ITGAM: variants seen among roughly 807,000 people sequenced by gnomAD.
The protein encoded by ITGAM is integrin alpha-M.
ITGAM carries 79 observed loss-of-function variants against 137.5 expected under a neutral mutation model. The observed-to-expected ratio is 0.57, with a 90% CI of 0.48 to 0.69. The LOEUF is 0.69. ITGAM is among the 30% of genes least tolerant of loss of function. ITGAM has a pLI of 0.00. For synonymous variants in ITGAM, 583 were observed against 592.3 expected (o/e 0.98, Z 0.23); for missense variants, 1,343 against 1,483.5 (o/e 0.91, Z 1.56).
intron 12 of ITGAM, among the ~76,000 whole-genome samples, chr16:31,288,842 T>C (rs1313230066): frequency 6.6e-6 from 1 of 151,736 alleles, no homozygotes; most frequent in African/African-American, 2.4e-5. Flanking sequence ...TGGGAGAAAA[T>C]TTTTGCAATC....
intron 7 of ITGAM, among the ~76,000 whole-genome samples, chr16:31,273,065 G>A (rs947461617): frequency 1.1e-4 from 17 of 152,196 alleles, no homozygotes; most frequent in African/African-American, 3.9e-4. Flanking sequence ...TTAGGAGGCC[G>A]AGGTGGGAGG....
intron 10 of ITGAM, 49 bp from the exon 11 acceptor site, chr16:31,276,871 G>A (rs745692804): frequency 3.8e-5 from 60 of 1,596,054 alleles, no homozygotes; most frequent in African/African-American, 1.9e-4. Flanking sequence ...GAGGGGCAGC[G>A]GTTGTCCCTT....
chr16:31,310,206 G>A (rs2080311005), intron 14 of ITGAM, among the ~76,000 whole-genome samples: 1 of 151,990 alleles, frequency 6.6e-6, no homozygotes, highest in African/African-American at 2.4e-5. Context: ...TATCTTTGTG[G>A]CGTTCTCTGT....
intron 7 of ITGAM, among the ~76,000 whole-genome samples, chr16:31,272,444 TATATATATATATATATATA>T (rs766614871): frequency 0.017 from 193 of 11,206 alleles, 2 homozygotes; most frequent in African/African-American, 0.061. Flanking sequence ...TATATATATA[TATATATATATATATATATA>T]TTTTTTTTTT....
At chr16:31,283,608 T>C (rs1163188338) in intron 12 of ITGAM, among the ~76,000 whole-genome samples, 1 of 152,230 alleles carries the variant, frequency 6.6e-6, no homozygotes, top group African/African-American at 2.4e-5. Context: ...TTTATTCTAG[T>C]TAGCCATTCG....
rs558125531 is a variant in ITGAM at position 31,327,883 on chromosome 16, C to T, written c.2709-264C>T. 5.3e-5 allele frequency among the ~76,000 whole-genome samples: 8 copies of T among 152,054 alleles called. No homozygotes were observed. In the East Asian group the frequency reaches 5.8e-4, roughly 11 times the overall value. On this transcript the variant is annotated intron_variant, in intron 22 of 29. Transcript: ENST00000544665. ...ACATAATCATATTTGCATGTTAGAA[C>T]GATCACTCTTCAGGAGGGCTGGCGA...
intron 14 of ITGAM, among the ~76,000 whole-genome samples, chr16:31,306,940 T>C (rs1008972638): frequency 3.3e-5 from 5 of 152,066 alleles, no homozygotes; most frequent in Admixed American, 1.3e-4. Context: ...ATTTTCAATA[T>C]AATTATTAAT....
At chr16:31,314,029 T>C (rs1036772664) in intron 14 of ITGAM, among the ~76,000 whole-genome samples, 6 of 152,184 alleles carry the variant, frequency 3.9e-5, no homozygotes, top group African/African-American at 1.4e-4. Flanking sequence ...AATGTCTTCT[T>C]TTGAGAAGTA....
chr16:31,292,785 T>C (rs1334296876), intron 12 of ITGAM, among the ~76,000 whole-genome samples: 1 of 152,178 alleles, frequency 6.6e-6, no homozygotes, highest in Non-Finnish European at 1.5e-5. Context: ...TCCCCAGTAA[T>C]GGGGTTGCTG....
intron 12 of ITGAM, among the ~76,000 whole-genome samples, chr16:31,290,151 G>A (rs1263958922): frequency 6.7e-6 from 1 of 148,828 alleles, no homozygotes; most frequent in African/African-American, 2.5e-5. Flanking sequence ...AACAATCTTA[G>A]AAAAGGGGAA....
intron 14 of ITGAM, among the ~76,000 whole-genome samples, chr16:31,298,938 C>T (rs1285335701): frequency 6.6e-6 from 1 of 152,158 alleles, no homozygotes; most frequent in Non-Finnish European, 1.5e-5. Context: ...AGGTGGAGCC[C>T]ACTGTCTGGA....
rs751994641 is a variant in ITGAM, at chr16:31,329,272, A to G, written c.2837A>G (p.Asn946Ser). Residue 946 changes from asparagine (N) to serine (S), a missense_variant, in exon 24 of 30, where the codon AAT (asparagine) becomes AGT (serine). Transcript: ENST00000544665. ...TATCTCAACTTCACGGCCTCAGAGA[A>G]TACCAGTCGGGTCATGCAGCATCAA... ...TKYLNFTASE[N>S]TSRVMQHQYQ... is the part of the protein sequence containing the mutation. 8 of 1,613,170 alleles carry G rather than the reference A, an allele frequency of 5.0e-6. No homozygotes were observed. The highest frequency in any genetic ancestry group is 6.8e-6 in the Non-Finnish European group (8 of 1,179,466).
In ITGAM at chr16:31,266,120, C is replaced by A; in HGVS notation, c.400C>A (p.Pro134Thr). ...FLFGSNLRQQ[P>T]QKFPEALRGC... The stretch of plus-strand genomic sequence containing the variant: ...GTTTGGATCCAACCTACGGCAGCAG[C>A]CCCAGAAGTTCCCAGAGGCCCTCCG... Residue 134 changes from proline to threonine, a missense_variant, in exon 5 of 30, where the codon CCC (proline) becomes ACC (threonine). Transcript: ENST00000544665. 6.2e-7 allele frequency: 1 copy of A among 1,613,740 alleles called. No homozygotes were observed. Among genetic ancestry groups the A allele is most frequent in the Non-Finnish European group, 8.5e-7 (1 of 1,179,790 alleles).
intron 14 of ITGAM, among the ~76,000 whole-genome samples, chr16:31,302,210 C>T (rs2080203664): frequency 1.3e-5 from 2 of 152,118 alleles, no homozygotes; most frequent in Non-Finnish European, 2.9e-5. Flanking sequence ...AAGGAAAAGG[C>T]TCATCTGTTG....
chr16:31,319,838 A>T (rs2080429977), intron 14 of ITGAM, among the ~76,000 whole-genome samples: 1 of 147,790 alleles, frequency 6.8e-6, no homozygotes, highest in African/African-American at 2.5e-5. Context: ...TTTGAGACGG[A>T]ATCTCATTCT....
chr16:31,329,888 C>G lies in ITGAM; in HGVS notation c.2959C>G (p.Gln987Glu). ...LNQTVIWDRPQVTFSENLSST... is the reference protein window; with the variant it reads ...LNQTVIWDRPEVTFSENLSST... ...CCAGACTGTCATATGGGACCGCCCC[C>G]AGGTCACCTTCTCCGAGGTGAGCGG... Residue 987 changes from glutamine (Q) to glutamate (E), a missense_variant, in exon 25 of 30, where the codon CAG (glutamine) becomes GAG (glutamate). Gln to Glu is a conservative substitution (Grantham distance 29). Transcript: ENST00000544665. 1 of 1,561,920 alleles carries G rather than the reference C, an allele frequency of 6.4e-7. No homozygotes were observed. The highest frequency in any genetic ancestry group is 1.4e-5 in the African/African-American group (1 of 73,712).
chr16:31,277,782 C>T (rs959459331), intron 11 of ITGAM, among the ~76,000 whole-genome samples, 185 bp from the exon 12 acceptor site: 4 of 152,194 alleles, frequency 2.6e-5, no homozygotes, highest in Admixed American at 1.3e-4. Context: ...TGTGAGCCAC[C>T]GCACCCGGCC....
chr16:31,311,515 C>G (rs1415147003), intron 14 of ITGAM, among the ~76,000 whole-genome samples: 6 of 152,120 alleles, frequency 3.9e-5, no homozygotes, highest in African/African-American at 7.2e-5. Context: ...ATTTATGCAG[C>G]CAAAAGACAC....
At chr16:31,289,424 C>G (rs2080062994) in intron 12 of ITGAM, among the ~76,000 whole-genome samples, 1 of 152,070 alleles carries the variant, frequency 6.6e-6, no homozygotes, top group Admixed American at 6.5e-5. Flanking sequence ...ACTATGCAGC[C>G]ATAAAAAAGG....
Sources: allele counts gnomAD v4.1 joint callset (sites outside exome capture counted in the v4.1 genomes callset), GRCh38; gene constraint gnomAD v4.1.1; transcripts MANE v1.5; gene names NCBI Gene and HGNC (gene_info 2026-07-23, HGNC 2026-07-21).